The following CCDC125 variants were observed in gnomAD, a reference collection of about 807,000 sequenced individuals.
The protein encoded by CCDC125 is coiled-coil domain-containing protein 125.
CCDC125 carries 43 observed loss-of-function variants against 57.4 expected under a neutral mutation model. The observed-to-expected ratio is 0.75, with a 90% CI of 0.59 to 0.97. The LOEUF (loss-of-function observed/expected upper bound fraction) is 0.97, where lower values mean the gene tolerates loss of function less well. Among genes scored for constraint, CCDC125 ranks in the 50% least tolerant of loss-of-function variants. CCDC125 has a pLI of 0.00. For missense variants in CCDC125, 563 were observed against 595.7 expected (o/e 0.95, Z 0.57); for synonymous variants, 187 against 195.2 (o/e 0.96, Z 0.35).
At chr5:69,277,056 C>T (rs753976030), downstream of CCDC125, 3 of 1,500,012 alleles carry the variant, frequency 2.0e-6, no homozygotes, top group South Asian at 1.3e-5. Flanking sequence ...AGAATGTGAA[C>T]TTTGTTAAAT....
chr5:69,298,192 T>C (rs1475173271), intron 8 of CCDC125, among the ~76,000 whole-genome samples: 1 of 151,890 alleles, frequency 6.6e-6, no homozygotes, highest in Admixed American at 6.6e-5. Context: ...ATTTTTGTAC[T>C]TTTAATAGAG....
intron 8 of CCDC125, among the ~76,000 whole-genome samples, chr5:69,296,047 T>A (rs1008446420): frequency 2.6e-5 from 4 of 151,758 alleles, no homozygotes; most frequent in Non-Finnish European, 4.4e-5. Flanking sequence ...GCCCGGCTAA[T>A]TTTTTTGTAT....
chr5:69,319,360 T>C (rs992988291), intron 2 of CCDC125, among the ~76,000 whole-genome samples: 1 of 152,178 alleles, frequency 6.6e-6, no homozygotes, highest in African/African-American at 2.4e-5. Flanking sequence ...CAGTAAATAT[T>C]TGACTGCAAA....
At chr5:69,317,445 G>T (rs1245120561) in intron 2 of CCDC125, among the ~76,000 whole-genome samples, 4 of 152,106 alleles carry the variant, frequency 2.6e-5, no homozygotes, top group African/African-American at 9.7e-5. Context: ...ATTTCAAGAG[G>T]GATGTTGAAG....
downstream of CCDC125, among the ~76,000 whole-genome samples, chr5:69,279,727 C>T (rs540645822): frequency 2.8e-4 from 42 of 152,210 alleles, no homozygotes; most frequent in African/African-American, 9.6e-4. Flanking sequence ...AGCCAAGCAG[C>T]TAAGAGTCCA....
At chr5:69,307,831 C>T in intron 5 of CCDC125, 120 bp downstream of exon 5, 1 of 720,830 alleles carries the variant, frequency 1.4e-6, no homozygotes, top group Non-Finnish European at 2.4e-6. Context: ...ACCATCAGAA[C>T]TGAAGCACAC....
intron 2 of CCDC125, among the ~76,000 whole-genome samples, chr5:69,319,761 G>A (rs1159223264): frequency 2.0e-5 from 3 of 151,554 alleles, no homozygotes; most frequent in Admixed American, 6.6e-5. Flanking sequence ...GATTACAGGC[G>A]TGAGCCACCA....
chr5:69,313,287 TA>T, intron 3 of CCDC125: 1 of 621,772 alleles, frequency 1.6e-6, no homozygotes, highest in Non-Finnish European at 2.9e-6. Context: ...CAGCCCCTCC[TA>T]TCTGGCAGGA....
chr5:69,301,456 C>T (rs138787766), intron 7 of CCDC125, among the ~76,000 whole-genome samples: 47 of 152,052 alleles, frequency 3.1e-4, no homozygotes, highest in Non-Finnish European at 1.0e-4. Context: ...GAGTCACCCC[C>T]ATGTCTACAA....
At chr5:69,290,302 C>CTAT (rs894103809) in intron 10 of CCDC125, among the ~76,000 whole-genome samples, 6 of 149,036 alleles carry the variant, frequency 4.0e-5, no homozygotes, top group East Asian at 1.9e-4. Context: ...ATTATTATTA[C>CTAT]TATTATTATT....
chr5:69,295,461 A>C (rs1317874743), intron 8 of CCDC125, among the ~76,000 whole-genome samples: 1 of 152,216 alleles, frequency 6.6e-6, no homozygotes, highest in Non-Finnish European at 1.5e-5. Context: ...ACTTATGCCA[A>C]GGGTGAAGTT....
intron 3 of CCDC125, among the ~76,000 whole-genome samples, chr5:69,313,165 G>A (rs549561652): frequency 6.6e-6 from 1 of 152,272 alleles, no homozygotes; most frequent in South Asian, 2.1e-4. Context: ...ATCAAAAGCA[G>A]TTTCGGAAGG....
chr5:69,277,020 T>G, downstream of CCDC125: 1 of 1,097,060 alleles, frequency 9.1e-7, no homozygotes, highest in East Asian at 2.4e-5. Flanking sequence ...GTAGTTGGAA[T>G]GCAGTGACTG....
intron 5 of CCDC125, 192 bp downstream of exon 5, chr5:69,307,759 A>G (rs1757563258): frequency 1.8e-6 from 1 of 568,998 alleles, no homozygotes; most frequent in African/African-American, 1.9e-5. Context: ...GGGAAATAAA[A>G]ATAACCTGAA....
chr5:69,278,037 C>T (rs867263313), downstream of CCDC125, among the ~76,000 whole-genome samples: 1 of 151,982 alleles, frequency 6.6e-6, no homozygotes, highest in Non-Finnish European at 1.5e-5. Flanking sequence ...CACCACTACA[C>T]CTGCCTAATT....
chr5:69,293,465 C>T (rs948087600), intron 9 of CCDC125, among the ~76,000 whole-genome samples: 14 of 151,970 alleles, frequency 9.2e-5, no homozygotes, highest in Admixed American at 2.6e-4. Flanking sequence ...GCCTGGCCAA[C>T]ATAGTGAAAC....
downstream of CCDC125, chr5:69,276,412 ATTTTG>A (rs1752144834): frequency 1.4e-6 from 1 of 729,438 alleles, no homozygotes; most frequent in Admixed American, 2.8e-5. Context: ...CTTGACATTA[ATTTTG>A]TTTTGTTGGG....
At chr5:69,300,436 CAG>C (rs1756206294) in intron 7 of CCDC125, among the ~76,000 whole-genome samples, 1 of 152,138 alleles carries the variant, frequency 6.6e-6, no homozygotes. Flanking sequence ...GCAAATTATT[CAG>C]AGACTTTATG....
chr5:69,311,561 A>C (rs1010780569), intron 3 of CCDC125, among the ~76,000 whole-genome samples: 2 of 152,118 alleles, frequency 1.3e-5, no homozygotes, highest in East Asian at 3.9e-4. Flanking sequence ...CTGAGACAGG[A>C]GAATCGCTTG....
Sources: allele counts gnomAD v4.1 joint callset (sites outside exome capture counted in the v4.1 genomes callset), GRCh38; gene constraint gnomAD v4.1.1; transcripts MANE v1.5; gene names NCBI Gene and HGNC (gene_info 2026-07-23, HGNC 2026-07-21).